Variants in CDH2 observed in about 807,000 individuals in gnomAD.
CDH2 encodes the protein cadherin 2.
CDH2 carries 17 observed loss-of-function variants against 92.0 expected under a neutral mutation model. The ratio of observed to expected loss-of-function variants is 0.18; its 90% CI spans 0.13 to 0.28. The LOEUF is 0.28. Ranked by LOEUF, CDH2 falls within the 10% of genes least tolerant of loss-of-function variation. The pLI is 1.00. For missense variants in CDH2, 862 were observed against 1,133.1 expected (o/e 0.76, Z 3.44); for synonymous variants, 419 against 415.9 (o/e 1.01, Z -0.09).
intron 7 of CDH2, among the ~76,000 whole-genome samples, chr18:27,996,583 ACT>A (rs2012588778): frequency 6.6e-6 from 1 of 151,890 alleles, no homozygotes; most frequent in Non-Finnish European, 1.5e-5. Flanking sequence ...ACACCCCATC[ACT>A]GTTTATAGTT....
chr18:28,011,809 T>C (rs948273598), intron 4 of CDH2, 37 bp downstream of exon 4: 58 of 1,594,598 alleles, frequency 3.6e-5, no homozygotes, highest in Non-Finnish European at 4.6e-5. Context: ...TACATTTGTC[T>C]TGTGGTATGA....
At chr18:27,993,735 T>C (rs2012499225) in intron 7 of CDH2, 98 bp from the exon 8 acceptor site, 9 of 889,350 alleles carry the variant, frequency 1.0e-5, no homozygotes, top group South Asian at 3.2e-5. Flanking sequence ...AAGGAGAGCA[T>C]GGCATCATTC....
intron 1 of CDH2, among the ~76,000 whole-genome samples, chr18:28,161,750 A>C (rs1255571170): frequency 6.6e-6 from 1 of 152,108 alleles, no homozygotes; most frequent in Non-Finnish European, 1.5e-5. Flanking sequence ...TCAATCCAAA[A>C]TTTGGGGACC....
At chr18:28,007,165 A>AAAATATATATATAT (rs1172779200) in intron 5 of CDH2, among the ~76,000 whole-genome samples, 7 of 110,444 alleles carry the variant, frequency 6.3e-5, no homozygotes, top group African/African-American at 2.7e-4. Context: ...ATAAAAAAAA[A>AAAATATATATATAT]ATATATATAT....
intron 2 of CDH2, among the ~76,000 whole-genome samples, chr18:28,127,165 G>A (rs1017404225): frequency 6.6e-6 from 1 of 152,134 alleles, no homozygotes; most frequent in Non-Finnish European, 1.5e-5. Context: ...TAAAAATGAT[G>A]AGTATTGTGT....
chr18:27,987,150 A>G (rs961879891), intron 11 of CDH2, among the ~76,000 whole-genome samples: 2 of 152,194 alleles, frequency 1.3e-5, no homozygotes, highest in Admixed American at 1.3e-4. Context: ...CAATATACAT[A>G]CATACATACA....
intron 6 of CDH2, among the ~76,000 whole-genome samples, chr18:27,936,976 T>G (rs1012725823): frequency 6.6e-6 from 1 of 152,224 alleles, no homozygotes; most frequent in Admixed American, 6.5e-5. Context: ...ACTTTAGTAA[T>G]GCCAACTGAA....
intron 1 of CDH2, among the ~76,000 whole-genome samples, chr18:28,163,147 A>G (rs1234594254): frequency 6.6e-6 from 1 of 152,230 alleles, no homozygotes; most frequent in Non-Finnish European, 1.5e-5. Context: ...AACTCTCATC[A>G]GAAACCAGAT....
intron 6 of CDH2, among the ~76,000 whole-genome samples, chr18:27,945,174 A>G (rs1909239324): frequency 6.6e-6 from 1 of 152,002 alleles, no homozygotes; most frequent in Admixed American, 6.6e-5. Context: ...TCTTACTACA[A>G]ACCTTACAGA....
chr18:27,998,876 GCTGGGTGCCC>G (rs2012673677), intron 7 of CDH2, among the ~76,000 whole-genome samples: 1 of 152,214 alleles, frequency 6.6e-6, no homozygotes, highest in African/African-American at 2.4e-5. Flanking sequence ...TGCCTTGAGT[GCTGGGTGCCC>G]CTTGGAGAAG....
intron 15 of CDH2, among the ~76,000 whole-genome samples, chr18:27,953,346 T>C (rs1416644071): frequency 2.0e-5 from 3 of 152,172 alleles, no homozygotes; most frequent in African/African-American, 7.2e-5. Flanking sequence ...CTTCTAAGGA[T>C]TTAGTATTAG....
chr18:28,039,886 G>A (rs958711408), intron 2 of CDH2, among the ~76,000 whole-genome samples: 7 of 152,148 alleles, frequency 4.6e-5, no homozygotes, highest in Admixed American at 1.3e-4. Context: ...AAGAAAAAGA[G>A]AGTATTACAT....
chr18:28,099,217 G>T (rs1462067990), intron 2 of CDH2, among the ~76,000 whole-genome samples: 2 of 151,998 alleles, frequency 1.3e-5, no homozygotes, highest in Non-Finnish European at 2.9e-5. Flanking sequence ...TTACAATTTT[G>T]GTGTTTACAT....
chr18:27,992,588 G>T, intron 9 of CDH2, 67 bp downstream of exon 9: 1 of 1,309,060 alleles, frequency 7.6e-7, no homozygotes, highest in Non-Finnish European at 1.1e-6. Context: ...AAAACAATGA[G>T]TGGGGGACAT....
At chr18:28,131,820 T>C (rs2015776572) in intron 2 of CDH2, among the ~76,000 whole-genome samples, 2 of 152,148 alleles carry the variant, frequency 1.3e-5, no homozygotes, top group African/African-American at 2.4e-5. Context: ...CTTAACGATG[T>C]CATTAAAAAT....
intron 1 of CDH2, among the ~76,000 whole-genome samples, chr18:28,176,160 G>A (rs1474316587): frequency 1.3e-5 from 2 of 152,296 alleles, no homozygotes; most frequent in South Asian, 2.1e-4. Flanking sequence ...TCTCCCGAGG[G>A]TATGAAAAGT....
chr18:28,054,075 CA>C (rs1336302434), intron 2 of CDH2, among the ~76,000 whole-genome samples: 6 of 152,030 alleles, frequency 3.9e-5, no homozygotes, highest in Non-Finnish European at 8.8e-5. Context: ...AAAGTCTTGA[CA>C]AAAACAGGAC....
intron 2 of CDH2, among the ~76,000 whole-genome samples, chr18:28,066,717 T>C (rs2014514758): frequency 6.6e-6 from 1 of 150,868 alleles, no homozygotes; most frequent in African/African-American, 2.5e-5. Context: ...CTGGATTAGA[T>C]GGAAAAAAGT....
chr18:28,081,823 T>C (rs1283453280), intron 2 of CDH2, among the ~76,000 whole-genome samples: 1 of 152,166 alleles, frequency 6.6e-6, no homozygotes, highest in Non-Finnish European at 1.5e-5. Flanking sequence ...AAGTTAGCAT[T>C]AAGGTAATAA....
Sources: allele counts gnomAD v4.1 joint callset (sites outside exome capture counted in the v4.1 genomes callset), GRCh38; gene constraint gnomAD v4.1.1; transcripts MANE v1.5; gene names NCBI Gene and HGNC (gene_info 2026-07-23, HGNC 2026-07-21).